The following HDAC9 variants were observed in gnomAD, a reference collection of about 807,000 sequenced individuals.
HDAC9 encodes histone deacetylase 9.
In HDAC9, 41 loss-of-function variants were observed where a neutral mutation model predicts 139.4. The observed-to-expected ratio is 0.29, with a 90% CI of 0.23 to 0.38. HDAC9 has a LOEUF of 0.38. Among genes scored for constraint, HDAC9 ranks in the 10% least tolerant of loss-of-function variants. HDAC9 has a pLI of 1.00. For missense variants in HDAC9, 1,147 were observed against 1,297.0 expected, an observed-to-expected ratio of 0.88 and a Z score of 1.78; for synonymous variants, 517 against 476.2, an observed-to-expected ratio of 1.09 and a Z score of -1.12.
At chr7:18,960,064 G>A (rs986212113) in intron 24 of HDAC9, among the ~76,000 whole-genome samples, 7 of 150,232 alleles carry the variant, frequency 4.7e-5, no homozygotes, top group East Asian at 1.9e-4. Flanking sequence ...AGGGCAATGA[G>A]AAGTGAATTT....
intron 22 of HDAC9, among the ~76,000 whole-genome samples, chr7:18,883,282 A>C (rs1044622610): frequency 2.0e-5 from 3 of 152,116 alleles, no homozygotes; most frequent in Non-Finnish European, 4.4e-5. Flanking sequence ...TCAGAAAAAA[A>C]CGTCTCAACA....
chr7:18,134,126 G>A (rs1308643868), intron 1 of HDAC9, among the ~76,000 whole-genome samples: 2 of 151,920 alleles, frequency 1.3e-5, no homozygotes, highest in Non-Finnish European at 2.9e-5. Context: ...TCCTGTAAAT[G>A]TGTTGGCTCC....
chr7:18,643,509 A>G (rs560290137), intron 8 of HDAC9, among the ~76,000 whole-genome samples: 63 of 152,150 alleles, frequency 4.1e-4, no homozygotes, highest in African/African-American at 1.4e-3. Flanking sequence ...TCATCTCCAA[A>G]CAAACGTATG....
intron 12 of HDAC9, among the ~76,000 whole-genome samples, chr7:18,699,815 C>G (rs541927842): frequency 6.6e-6 from 1 of 152,174 alleles, no homozygotes; most frequent in East Asian, 1.9e-4. Flanking sequence ...ATAGAAATCT[C>G]CTCTAATTCC....
At chr7:18,231,695 G>A (rs1793471667) in intron 2 of HDAC9, among the ~76,000 whole-genome samples, 1 of 152,144 alleles carries the variant, frequency 6.6e-6, no homozygotes, top group South Asian at 2.1e-4. Flanking sequence ...CTATGTGGGA[G>A]TTGGGAGCTA....
chr7:18,570,922 T>G (rs1248433600), intron 2 of HDAC9, among the ~76,000 whole-genome samples: 1 of 152,236 alleles, frequency 6.6e-6, no homozygotes, highest in African/African-American at 2.4e-5. Context: ...TACCCATGTT[T>G]GTAAAGCCAA....
intron 1 of HDAC9, among the ~76,000 whole-genome samples, chr7:18,096,661 TG>T (rs1264194490): frequency 2.0e-5 from 3 of 152,222 alleles, no homozygotes; most frequent in Non-Finnish European, 4.4e-5. Context: ...CTTACTGTTT[TG>T]TTTTCTTCCA....
At chr7:18,498,579 G>A (rs183877666) in intron 2 of HDAC9, among the ~76,000 whole-genome samples, 1 of 152,162 alleles carries the variant, frequency 6.6e-6, no homozygotes, top group East Asian at 1.9e-4. Flanking sequence ...CAGTGGTCTG[G>A]ACGTGATTCA....
chr7:18,589,870 C>A (rs1830453797), intron 3 of HDAC9, among the ~76,000 whole-genome samples: 1 of 152,106 alleles, frequency 6.6e-6, no homozygotes, highest in Non-Finnish European at 1.5e-5. Context: ...AAACTTCCCC[C>A]AAATTAATTT....
chr7:18,762,595 AT>A (rs1197853605), intron 15 of HDAC9, among the ~76,000 whole-genome samples: 5 of 152,210 alleles, frequency 3.3e-5, no homozygotes, highest in African/African-American at 1.2e-4. Context: ...TAAAGTAGAA[AT>A]GATTTACACA....
intron 1 of HDAC9, among the ~76,000 whole-genome samples, chr7:18,311,379 C>T (rs1799308248): frequency 6.6e-6 from 1 of 151,950 alleles, no homozygotes; most frequent in Non-Finnish European, 1.5e-5. Context: ...TATCTAATAA[C>T]TTGTGAGTTT....
intron 2 of HDAC9, among the ~76,000 whole-genome samples, chr7:18,556,666 T>C (rs1302646243): frequency 6.6e-6 from 1 of 152,020 alleles, no homozygotes; most frequent in Non-Finnish European, 1.5e-5. Flanking sequence ...TGGAAGTAAA[T>C]TGAATATTTT....
intron 11 of HDAC9, among the ~76,000 whole-genome samples, chr7:18,665,087 G>A (rs930787737): frequency 2.6e-5 from 4 of 152,154 alleles, no homozygotes; most frequent in African/African-American, 9.7e-5. Flanking sequence ...CTAAGTCTGA[G>A]TACTTAAGTA....
rs552439824 is a variant in HDAC9, at chr7:18,754,000, A to T, written c.2043+4862A>T. Among the ~76,000 whole-genome samples the T allele has an allele frequency of 2.0e-5, 3 of 152,250 alleles. No individual in the cohort carries two copies. The South Asian group carries it at 6.2e-4, about 32-fold the overall frequency. ...GCTCTTAGTTTGTAAGCTATAGTGTAAATTGGCTCTGCTTACTAATCCTGA... is the reference window on the plus strand; with the variant it reads ...GCTCTTAGTTTGTAAGCTATAGTGTTAATTGGCTCTGCTTACTAATCCTGA... On this transcript the variant is annotated intron_variant, in intron 14 of 25. Transcript: ENST00000686413.
chr7:18,417,088 A>C (rs1396458773), intron 1 of HDAC9, among the ~76,000 whole-genome samples: 2 of 152,136 alleles, frequency 1.3e-5, no homozygotes, highest in Non-Finnish European at 1.5e-5. Flanking sequence ...TAGACTGCCT[A>C]AAGCTATCCC....
chr7:18,741,132 C>T (rs1325563015), intron 13 of HDAC9, among the ~76,000 whole-genome samples: 4 of 152,196 alleles, frequency 2.6e-5, no homozygotes, highest in Non-Finnish European at 4.4e-5. Flanking sequence ...TCCAGAAAGT[C>T]TAGCTAAGAC....
At chr7:18,242,642 A>G (rs1403860093) in intron 2 of HDAC9, among the ~76,000 whole-genome samples, 1 of 152,174 alleles carries the variant, frequency 6.6e-6, no homozygotes, top group Non-Finnish European at 1.5e-5. Context: ...TGTATTTCAT[A>G]GTGACATCAA....
At chr7:18,993,858 G>A (rs1786225452) in intron 25 of HDAC9, among the ~76,000 whole-genome samples, 1 of 152,110 alleles carries the variant, frequency 6.6e-6, no homozygotes, top group African/African-American at 2.4e-5. Flanking sequence ...TTATGCATAT[G>A]TGTAGATGGT....
At chr7:18,519,228 C>T (rs1215377503) in intron 2 of HDAC9, among the ~76,000 whole-genome samples, 2 of 152,126 alleles carry the variant, frequency 1.3e-5, no homozygotes, top group African/African-American at 4.8e-5. Context: ...AGATCTAGGT[C>T]AGTGTAATCC....
Sources: gnomAD v4.1 joint callset for allele counts (sites outside exome capture counted in the v4.1 genomes callset) on GRCh38, gnomAD v4.1.1 for gene constraint, MANE v1.5 for transcripts, NCBI Gene and HGNC (gene_info 2026-07-23, HGNC 2026-07-21) for gene names.